The following ELN variants were observed in gnomAD, a reference collection of about 807,000 sequenced individuals.
ELN encodes elastin.
ELN carries 65 observed loss-of-function variants against 105.8 expected under a neutral mutation model. The ratio of observed to expected loss-of-function variants is 0.61; its 90% CI spans 0.50 to 0.75. The LOEUF (loss-of-function observed/expected upper bound fraction) is 0.75, where lower values mean the gene tolerates loss of function less well. Ranked by LOEUF, ELN falls within the 30% of genes least tolerant of loss-of-function variation. The pLI is 0.00. For synonymous variants in ELN, 368 were observed against 389.2 expected, an observed-to-expected ratio of 0.95 and a Z score of 0.64; for missense variants, 882 against 969.4, an observed-to-expected ratio of 0.91 and a Z score of 1.20.
chr7:74,051,364 C>T (rs1554675880), intron 15 of ELN, among the ~76,000 whole-genome samples: 1 of 152,200 alleles, frequency 6.6e-6, no homozygotes, highest in Non-Finnish European at 1.5e-5. Context: ...GAGGGGCTGC[C>T]AGAGCCAAGC....
Position 74,057,397 on chromosome 7 carries a change from G to A in ELN, c.1358-243G>A, listed in dbSNP as rs1554680838. ...ACTCCCCGAGGTGCTGCAGGAGCAG[G>A]AGTGCTGGGTGGGCTAGTGCCAGGT... is the stretch of plus-strand genomic sequence containing the variant. On this transcript the variant is annotated intron_variant, in intron 21 of 32. Coordinates refer to ENST00000252034, the MANE Select transcript of ELN (RefSeq NM_000501.4). The A allele has an allele frequency of 3.3e-6, 5 of 1,506,530 alleles. No individual in the cohort carries two copies. In the Admixed American group the frequency reaches 6.7e-5, roughly 20 times the overall value. The allele number at this position is 1,506,530 out of a possible 1,614,324, so 93.3% of individuals were successfully genotyped here.
intron 21 of ELN, 138 bp from the exon 22 acceptor site, chr7:74,057,502 G>A (rs1554681009): frequency 1.3e-6 from 2 of 1,591,830 alleles, no homozygotes; most frequent in Non-Finnish European, 1.7e-6. Context: ...GATGGGTTTG[G>A]TTTGTCTCAT....
chr7:74,038,400 G>A (rs1431974056), intron 4 of ELN, among the ~76,000 whole-genome samples: 2 of 152,206 alleles, frequency 1.3e-5, no homozygotes, highest in Admixed American at 1.3e-4. Flanking sequence ...CCATGGCCCC[G>A]GATAAGCTCC....
chr7:74,028,383 A>G (rs1340403265), intron 1 of ELN, 114 bp downstream of exon 1: 12 of 1,261,104 alleles, frequency 9.5e-6, no homozygotes, highest in Non-Finnish European at 1.2e-5. Flanking sequence ...AAGGGGTCCC[A>G]GGTGGGAGCC....
Position 74,056,680 on chromosome 7 carries a change from C to G in ELN, c.1324C>G (p.Gln442Glu), listed in dbSNP as rs137854452. ...VPGVGISPEA[Q>E]AAAAAKAAKY... ...TTCTCGTTTCCTTGTAGCCGAAGCTCAGGCAGCAGCTGCCGCCAAGGCTGC... is the reference window on the plus strand; with the variant it reads ...TTCTCGTTTCCTTGTAGCCGAAGCTGAGGCAGCAGCTGCCGCCAAGGCTGC... The change falls in exon 21 of 33, where the codon CAG becomes GAG. Residue 442 changes from glutamine (Q) to glutamate (E), a missense_variant. Physicochemically the swap from Gln to Glu is conservative, Grantham distance 29. Coordinates refer to ENST00000252034, the MANE Select transcript of ELN (RefSeq NM_000501.4). 1 of 1,613,868 alleles carries G rather than the reference C, an allele frequency of 6.2e-7. No homozygotes were observed. Among genetic ancestry groups the G allele is most frequent in the Non-Finnish European group, 8.5e-7 (1 of 1,180,034 alleles).
Position 74,068,348 on chromosome 7 carries a change from C to T in ELN, c.2132-309C>T, listed in dbSNP as rs544117828. ...GATGGAGCTGCTCTTAGCCTTTCCCCGAAAGGCTTCTTGGAGCAGTGGAGC... is the reference window on the plus strand; with the variant it reads ...GATGGAGCTGCTCTTAGCCTTTCCCTGAAAGGCTTCTTGGAGCAGTGGAGC... On this transcript the variant is annotated intron_variant, in intron 32 of 32. Coordinates refer to ENST00000252034, the MANE Select transcript of ELN (RefSeq NM_000501.4). 1.4e-4 allele frequency among the ~76,000 whole-genome samples: 22 copies of T among 152,348 alleles called. No individual in the cohort carries two copies. In the East Asian group the frequency reaches 4.2e-3, roughly 29 times the overall value.
Position 74,057,720 on chromosome 7 carries a change from C to T in ELN, c.1414+24C>T, listed in dbSNP as rs28763986. The T allele has an allele frequency of 0.56, 909,447 of 1,611,374 alleles. 259,425 individuals carry two copies. Among genetic ancestry groups the T allele is most frequent in the East Asian group, 0.7 (31,529 of 44,818 alleles). The stretch of plus-strand genomic sequence containing the variant: ...TGGTAAGTCCCCCTCACCCCCGCCA[C>T]TGGCTCACGGAGAACTGCTTTCTCC... On this transcript the variant is annotated intron_variant, in intron 22 of 32. Coordinates refer to ENST00000252034, the MANE Select transcript of ELN (RefSeq NM_000501.4).
intron 17 of ELN, chr7:74,052,617 GGAAGGAAGGAAGGAAGGAAGGAAA>G (rs1794292512): frequency 6.3e-6 from 1 of 158,752 alleles, no homozygotes; most frequent in African/African-American, 2.6e-5. Flanking sequence ...GAGAGAGACA[GGAAGGAAGGAAGGAAGGAAGGAAA>G]GAAGGAAGGA....
At chr7:74,028,882 G>A (rs1178821525) in intron 1 of ELN, among the ~76,000 whole-genome samples, 1 of 152,058 alleles carries the variant, frequency 6.6e-6, no homozygotes, top group Non-Finnish European at 1.5e-5. Flanking sequence ...GTGTGTGTGT[G>A]CATGCACACA....
chr7:74,069,642 G>A lies in ELN; in HGVS notation c.*942G>A. 1 of 233,370 alleles carries A rather than the reference G, an allele frequency of 4.3e-6. No individual in the cohort carries two copies. The highest frequency in any genetic ancestry group is 8.5e-6 in the Non-Finnish European group (1 of 117,886). 14.5% of individuals were successfully genotyped at this position (233,370 alleles called of 1,614,324 possible). On this transcript the variant is annotated 3_prime_UTR_variant, in exon 33 of 33. Coordinates refer to ENST00000252034, the MANE Select transcript of ELN (RefSeq NM_000501.4). Reference sequence around the variant, plus strand: ...CCCGCCCATCTTTTTGTGTCTCGCTGTGATAGATCAATAAATATTTTATTT... The same window carrying A: ...CCCGCCCATCTTTTTGTGTCTCGCTATGATAGATCAATAAATATTTTATTT...
At chr7:74,053,439 C>T in intron 18 of ELN, 130 bp downstream of exon 18, 1 of 1,510,416 alleles carries the variant, frequency 6.6e-7, no homozygotes, top group Non-Finnish European at 8.9e-7. Context: ...TACCCTTGAC[C>T]ACGTCTCATC....
chr7:74,054,394 G>A (rs781890575), intron 18 of ELN, among the ~76,000 whole-genome samples: 3 of 151,766 alleles, frequency 2.0e-5, no homozygotes, highest in South Asian at 4.2e-4. Flanking sequence ...TGCTTGAACC[G>A]GGGAGGCGGA....
chr7:74,058,115 T>C (rs1225521199), intron 22 of ELN, among the ~76,000 whole-genome samples: 1 of 150,070 alleles, frequency 6.7e-6, no homozygotes, highest in Non-Finnish European at 1.5e-5. Context: ...TCCTCCTCCT[T>C]CTCATTCTTC....
chr7:74,052,957 G>A (rs565119581), intron 17 of ELN: 2 of 632,286 alleles, frequency 3.2e-6, no homozygotes, highest in Admixed American at 5.7e-5. Flanking sequence ...CATTCCTCCA[G>A]CTCACTGATT....
At chr7:74,060,635 C>T (rs782338399) in intron 25 of ELN, 134 bp downstream of exon 25, 89 of 1,557,488 alleles carry the variant, frequency 5.7e-5, no homozygotes, top group Middle Eastern at 1.7e-4. Flanking sequence ...TTCTCCTAAG[C>T]ATCTGGGGGT....
chr7:74,052,644 AGGAAGGAAGGAAGGAAAGAC>A (rs1554676861), intron 17 of ELN: 2 of 158,480 alleles, frequency 1.3e-5, no homozygotes, highest in East Asian at 2.0e-4. Flanking sequence ...GAAGGAAAGA[AGGAAGGAAGGAAGGAAAGAC>A]GGAAGGAAGG....
intron 22 of ELN, among the ~76,000 whole-genome samples, chr7:74,058,144 T>C (rs1795748147): frequency 6.6e-6 from 1 of 151,182 alleles, no homozygotes; most frequent in Non-Finnish European, 1.5e-5. Flanking sequence ...CTTCCTCTTC[T>C]TCTCCTCCTG....
intron 22 of ELN, among the ~76,000 whole-genome samples, chr7:74,059,332 T>C (rs1227242219): frequency 6.6e-6 from 1 of 152,172 alleles, no homozygotes; most frequent in African/African-American, 2.4e-5. Context: ...CCTTATATAA[T>C]GTAAATCTGC....
At chr7:74,051,451 G>T (rs1345717128) in intron 15 of ELN, among the ~76,000 whole-genome samples, 1 of 152,230 alleles carries the variant, frequency 6.6e-6, no homozygotes, top group Non-Finnish European at 1.5e-5. Context: ...TCCTGCAGGG[G>T]ACCCTCTGGC....
Sources: allele counts gnomAD v4.1 joint callset (sites outside exome capture counted in the v4.1 genomes callset), GRCh38; gene constraint gnomAD v4.1.1; transcripts MANE v1.5; gene names NCBI Gene and HGNC (gene_info 2026-07-23, HGNC 2026-07-21).